Variants in ZBTB16 observed in about 807,000 individuals in gnomAD.
ZBTB16 encodes zinc finger and BTB domain containing 16, also known as zinc finger and BTB domain-containing protein 16.
Under a neutral mutation model 56.8 loss-of-function variants are expected in ZBTB16, and 8 were observed. The observed-to-expected ratio is 0.14, with a 90% CI of 0.08 to 0.25. ZBTB16 has a LOEUF of 0.25. ZBTB16 is among the 10% of genes least tolerant of loss of function. The pLI, the probability that ZBTB16 is intolerant of heterozygous loss-of-function variation, is 1.00. For synonymous variants in ZBTB16, 363 were observed against 368.5 expected (o/e 0.98, Z 0.17); for missense variants, 625 against 903.0 (o/e 0.69, Z 3.95).
intron 2 of ZBTB16, among the ~76,000 whole-genome samples, chr11:114,093,870 G>A (rs1482510374): frequency 6.6e-6 from 1 of 152,214 alleles, no homozygotes; most frequent in African/African-American, 2.4e-5. Flanking sequence ...CATGTCATAT[G>A]CAACTGTTGG....
chr11:114,175,296 T>C (rs1202563538), intron 3 of ZBTB16, among the ~76,000 whole-genome samples: 1 of 152,222 alleles, frequency 6.6e-6, no homozygotes, highest in African/African-American at 2.4e-5. Context: ...GGAGTCACAA[T>C]GCTGCTGCTG....
At chr11:114,200,809 C>T (rs1317869802) in intron 4 of ZBTB16, among the ~76,000 whole-genome samples, 1 of 152,164 alleles carries the variant, frequency 6.6e-6, no homozygotes, top group Non-Finnish European at 1.5e-5. Flanking sequence ...CCTGTGTTTC[C>T]TCTCTGACTT....
chr11:114,220,098 T>C (rs749290821), intron 4 of ZBTB16, among the ~76,000 whole-genome samples: 1 of 151,972 alleles, frequency 6.6e-6, no homozygotes, highest in Non-Finnish European at 1.5e-5. Context: ...TGAAGGAAAG[T>C]GTGAAGATTA....
At chr11:114,211,894 G>T (rs1322871453) in intron 4 of ZBTB16, among the ~76,000 whole-genome samples, 1 of 152,174 alleles carries the variant, frequency 6.6e-6, no homozygotes, top group African/African-American at 2.4e-5. Flanking sequence ...TGCTGAGGGG[G>T]GCCTCTTTTA....
chr11:114,119,569 G>A (rs1385002021), intron 2 of ZBTB16, among the ~76,000 whole-genome samples: 1 of 152,122 alleles, frequency 6.6e-6, no homozygotes, highest in African/African-American at 2.4e-5. Flanking sequence ...TTGTATGGGG[G>A]TTGTAGGATC....
intron 4 of ZBTB16, among the ~76,000 whole-genome samples, chr11:114,233,488 C>T (rs1181038464): frequency 2.6e-5 from 4 of 151,920 alleles, no homozygotes; most frequent in Non-Finnish European, 4.4e-5. Flanking sequence ...GAAAGGGCAA[C>T]GCAGCGTAGG....
chr11:114,156,246 G>A, intron 2 of ZBTB16, 91 bp from the exon 3 acceptor site: 1 of 1,312,128 alleles, frequency 7.6e-7, no homozygotes. Flanking sequence ...TCACCTGCCA[G>A]AGGGATGGCT....
chr11:114,188,513 T>C (rs554599834), intron 4 of ZBTB16: 1 of 152,314 alleles, frequency 6.6e-6, no homozygotes, highest in Non-Finnish European at 1.5e-5. Context: ...AGGGTTGTTG[T>C]GGGGATGAAA....
At chr11:114,203,065 A>G (rs563320629) in intron 4 of ZBTB16, among the ~76,000 whole-genome samples, 1 of 152,258 alleles carries the variant, frequency 6.6e-6, no homozygotes, top group Non-Finnish European at 1.5e-5. Context: ...ATTGCCTATC[A>G]GCTGATGCAT....
chr11:114,156,003 T>C (rs1942398624), intron 2 of ZBTB16, among the ~76,000 whole-genome samples: 1 of 152,166 alleles, frequency 6.6e-6, no homozygotes, highest in Non-Finnish European at 1.5e-5. Context: ...AGGTCTGTGC[T>C]AGTTTGACAG....
Position 114,155,000 on chromosome 11 carries a change from G to A in ZBTB16, c.1269-1337G>A, listed in dbSNP as rs114077840. Among the ~76,000 whole-genome samples, 583 of 152,020 alleles carry A rather than the reference G, an allele frequency of 3.8e-3. 3 individuals are homozygous for A. Among genetic ancestry groups the A allele is most frequent in the African/African-American group, 0.013 (552 of 41,318 alleles). On this transcript the variant is annotated intron_variant, in intron 2 of 6. Transcript: ENST00000335953. Reference sequence around the variant, plus strand: ...GGGTTCTCATTCTGGGACTTGGAAGGGTGGGTGGCTCGGTTTTGCTACCAT... The same window carrying A: ...GGGTTCTCATTCTGGGACTTGGAAGAGTGGGTGGCTCGGTTTTGCTACCAT...
At chr11:114,068,060 C>CAAAAAAAAAA (rs4020463) in intron 2 of ZBTB16, among the ~76,000 whole-genome samples, 2 of 111,310 alleles carry the variant, frequency 1.8e-5, no homozygotes, top group African/African-American at 3.6e-5. Context: ...AAAGCCAAGA[C>CAAAAAAAAAA]AAAAAAAAAA....
At chr11:114,085,454 T>C (rs1939924756) in intron 2 of ZBTB16, among the ~76,000 whole-genome samples, 1 of 152,164 alleles carries the variant, frequency 6.6e-6, no homozygotes, top group Non-Finnish European at 1.5e-5. Flanking sequence ...TAAATCCCTG[T>C]AAGAGTTCAC....
intron 4 of ZBTB16, among the ~76,000 whole-genome samples, chr11:114,201,052 A>G (rs891812114): frequency 2.0e-5 from 3 of 152,202 alleles, no homozygotes; most frequent in South Asian, 2.1e-4. Flanking sequence ...AGGGTTTGCT[A>G]TAATTTGCCT....
rs111827366 is a variant in ZBTB16, at chr11:114,251,370, A to G, written c.*815A>G. ...TCTGAGAACACAAAACAAATCCAAT[A>G]CCCCACCCTAGTCCAGCACCATCGT... On this transcript the variant is annotated 3_prime_UTR_variant, in exon 7 of 7. Coordinates refer to ENST00000335953, the MANE Select transcript of ZBTB16 (RefSeq NM_006006.6). 2.6e-5 allele frequency among the ~76,000 whole-genome samples: 4 copies of G among 151,734 alleles called. No individual in the cohort carries two copies. The highest frequency in any genetic ancestry group is 9.7e-5 in the African/African-American group (4 of 41,334).
intron 3 of ZBTB16, among the ~76,000 whole-genome samples, chr11:114,166,356 T>G (rs1242062458): frequency 6.6e-6 from 1 of 151,886 alleles, no homozygotes; most frequent in Middle Eastern, 3.2e-3. Context: ...TGGTGAAGAT[T>G]GCAGGATTGG....
At chr11:114,242,833 T>A (rs1944739542) in intron 5 of ZBTB16, among the ~76,000 whole-genome samples, 1 of 152,230 alleles carries the variant, frequency 6.6e-6, no homozygotes, top group Non-Finnish European at 1.5e-5. Context: ...GCAGTGATCC[T>A]ACTTTCCCCA....
intron 4 of ZBTB16, among the ~76,000 whole-genome samples, chr11:114,235,672 TTC>T (rs1246619901): frequency 4.3e-5 from 1 of 23,170 alleles, no homozygotes; most frequent in Non-Finnish European, 1.1e-4. Flanking sequence ...CTTTCTTTCT[TTC>T]TTTCTTTCTT....
intron 2 of ZBTB16, among the ~76,000 whole-genome samples, chr11:114,142,548 G>A (rs934030721): frequency 1.3e-5 from 2 of 152,216 alleles, no homozygotes; most frequent in Non-Finnish European, 2.9e-5. Context: ...GGAATTTATC[G>A]CTGTTGTCAA....
Sources: gnomAD v4.1 joint callset for allele counts (sites outside exome capture counted in the v4.1 genomes callset) on GRCh38, gnomAD v4.1.1 for gene constraint, MANE v1.5 for transcripts, NCBI Gene and HGNC (gene_info 2026-07-23, HGNC 2026-07-21) for gene names.